TNFSF14: variants seen among roughly 807,000 people sequenced by gnomAD.
TNFSF14 encodes tumor necrosis factor ligand superfamily member 14.
In TNFSF14, 15 loss-of-function variants were observed where a neutral mutation model predicts 22.7. That is an observed-to-expected ratio of 0.66 (90% CI 0.44 to 1.02). The LOEUF (loss-of-function observed/expected upper bound fraction) is 1.02. Ranked by LOEUF, TNFSF14 falls within the 50% of genes least tolerant of loss-of-function variation. The pLI is 0.00. For missense variants in TNFSF14, 287 were observed against 326.2 expected, an observed-to-expected ratio of 0.88 and a Z score of 0.93; for synonymous variants, 133 against 139.6, an observed-to-expected ratio of 0.95 and a Z score of 0.33.
chr19:6,664,889 G>A lies in TNFSF14; in HGVS notation c.*37C>T, dbSNP rs1287877661. 59 of 1,539,832 alleles carry A rather than the reference G, an allele frequency of 3.8e-5. No individual in the cohort carries two copies. The highest frequency in any genetic ancestry group is 1.8e-4 in the Middle Eastern group (1 of 5,692). On this transcript the variant is annotated 3_prime_UTR_variant, in exon 4 of 4. Transcript: ENST00000675206. The surrounding 1 kb of genome is among the most constrained non-coding windows in gnomAD (Gnocchi z 4.7). ...CTGAGGCACCCTCTGAGTTCTCCACGTGTCAGACCCATGTCCAATGCACCA... is the reference window on the plus strand; with the variant it reads ...CTGAGGCACCCTCTGAGTTCTCCACATGTCAGACCCATGTCCAATGCACCA...
intron 1 of TNFSF14, 29 bp downstream of exon 1, chr19:6,669,822 C>T (rs1568204237): frequency 6.2e-6 from 10 of 1,606,084 alleles, no homozygotes; most frequent in Admixed American, 3.3e-5. Context: ...CTCACCTCCA[C>T]CTGCTCTCAG....
upstream of TNFSF14, chr19:6,670,473 G>T (rs757833988): frequency 4.7e-5 from 10 of 211,420 alleles, no homozygotes; most frequent in Non-Finnish European, 8.4e-5. Flanking sequence ...CAGCAAGAAG[G>T]GTCCCTGCTC....
At chr19:6,665,468 G>C (rs1917389161) in intron 3 of TNFSF14, 118 bp from the exon 4 acceptor site, 1 of 1,180,146 alleles carries the variant, frequency 8.5e-7, no homozygotes, top group Non-Finnish European at 1.2e-6. Flanking sequence ...GAGTGTGGTG[G>C]CATGATCTCG....
At chr19:6,667,039 A>G (rs146346459) in intron 3 of TNFSF14, 74 bp downstream of exon 3, 75 of 1,528,258 alleles carry the variant, frequency 4.9e-5, no homozygotes, top group Non-Finnish European at 6.6e-5. Flanking sequence ...ATACACTGAT[A>G]TGTATGGCGT....
rs1917330788 is a variant in TNFSF14, at chr19:6,664,039, G to A, written c.*887C>T. The A allele has an allele frequency of 6.6e-6, 1 of 152,168 alleles. No homozygotes were observed. The allele number at this position is 152,168 out of a possible 1,614,324, so 9.4% of individuals were successfully genotyped here. A position where few individuals can be genotyped will look rare whatever the true frequency, so the allele number is the denominator to read the frequency against. ...ACAGCTGGTTGTTAAACAGTTATGAGCACGCTGCCGTGCTCATGTATCTGA... is the reference window on the plus strand; with the variant it reads ...ACAGCTGGTTGTTAAACAGTTATGAACACGCTGCCGTGCTCATGTATCTGA... On this transcript the variant is annotated 3_prime_UTR_variant, in exon 4 of 4. Coordinates refer to ENST00000675206, the MANE Select transcript of TNFSF14 (RefSeq NM_001376887.1). The surrounding 1 kb of genome is among the most constrained non-coding windows in gnomAD (Gnocchi z 4.7).
chr19:6,670,061 C>G lies in TNFSF14; in HGVS notation c.9G>C (p.Glu3Asp). ME[E>D]SVVRPSVFVV... The stretch of plus-strand genomic sequence containing the variant: ...CAAACACTGAGGGCCGTACGACACT[C>G]TCCTCCATGCCCAAGGTGTCTGGAG... Residue 3 changes from glutamate (E) to aspartate (D), a missense_variant, in exon 1 of 4, where the codon GAG becomes GAC. Coordinates refer to ENST00000675206, the MANE Select transcript of TNFSF14 (RefSeq NM_001376887.1). The G allele has an allele frequency of 6.2e-7, 1 of 1,613,962 alleles. No individual in the cohort carries two copies. The highest frequency in any genetic ancestry group is 8.5e-7 in the Non-Finnish European group (1 of 1,179,824).
intron 1 of TNFSF14, among the ~76,000 whole-genome samples, chr19:6,667,867 C>T (rs970712750): frequency 1.3e-5 from 2 of 151,842 alleles, no homozygotes; most frequent in Non-Finnish European, 2.9e-5. Flanking sequence ...ACAGTAAAAC[C>T]CTGTATCTAC....
At chr19:6,666,159 G>A (rs149555696) in intron 3 of TNFSF14, among the ~76,000 whole-genome samples, 9 of 151,668 alleles carry the variant, frequency 5.9e-5, no homozygotes, top group African/African-American at 1.9e-4. Flanking sequence ...TTGGGAGGCT[G>A]AGACAGGAAG....
rs1917282463 is a variant in TNFSF14, at chr19:6,662,875, G to C, written c.*2051C>G. On this transcript the variant is annotated 3_prime_UTR_variant, in exon 4 of 4. Coordinates refer to ENST00000675206, the MANE Select transcript of TNFSF14 (RefSeq NM_001376887.1). Reference sequence around the variant, plus strand: ...AGCCTCTACTTCCTCAGGAATTGTGGATTGGAGAGGAAGCCAGATCCAGAC... The same window carrying C: ...AGCCTCTACTTCCTCAGGAATTGTGCATTGGAGAGGAAGCCAGATCCAGAC... 1 of 152,198 alleles carries C rather than the reference G, an allele frequency of 6.6e-6. No individual in the cohort carries two copies. Among genetic ancestry groups the C allele is most frequent in the South Asian group, 2.1e-4 (1 of 4,830 alleles). 9.4% of individuals were successfully genotyped at this position (152,198 alleles called of 1,614,324 possible).
Position 6,664,975 on chromosome 19 carries a change from A to ACCAGGCGTTCAT in TNFSF14, c.662_673dup (p.Asp221_Leu224dup), listed in dbSNP as rs1917362566. On this transcript the variant is annotated inframe_insertion, in exon 4 of 4. Transcript: ENST00000675206. This position sits in a 1 kb window ranked among gnomAD's most constrained non-coding sequence, Gnocchi z 4.7. ...AGACCGGGTACCATCACGCAGTCGA[A>ACCAGGCGTTCAT]CCAGGCGTTCATCCAGCACACGGAC... 6.2e-7 allele frequency: 1 copy of ACCAGGCGTTCAT among 1,611,850 alleles called. No homozygotes were observed. Among genetic ancestry groups the ACCAGGCGTTCAT allele is most frequent in the East Asian group, 2.2e-5 (1 of 44,794 alleles).
chr19:6,666,590 G>T (rs547797109), intron 3 of TNFSF14, among the ~76,000 whole-genome samples: 3 of 152,186 alleles, frequency 2.0e-5, no homozygotes, highest in African/African-American at 7.2e-5. Context: ...CACTATATGA[G>T]AGTTCATTAA....
Position 6,663,783 on chromosome 19 carries a change from A to G in TNFSF14, c.*1143T>C, listed in dbSNP as rs1917321616. 6.6e-6 allele frequency: 1 copy of G among 152,182 alleles called. No individual in the cohort carries two copies. The highest frequency in any genetic ancestry group is 1.5e-5 in the Non-Finnish European group (1 of 68,006). 9.4% of individuals were successfully genotyped at this position (152,182 alleles called of 1,614,324 possible). ...GTGGCTGAGATTATGCAGCCATGTG[A>G]CAGATTTTGTGGGATGCCATAGGTG... On this transcript the variant is annotated 3_prime_UTR_variant, in exon 4 of 4. Coordinates refer to ENST00000675206, the MANE Select transcript of TNFSF14 (RefSeq NM_001376887.1).
At chr19:6,667,037 A>T (rs1398318146) in intron 3 of TNFSF14, 76 bp downstream of exon 3, 2 of 1,522,914 alleles carry the variant, frequency 1.3e-6, no homozygotes, top group African/African-American at 2.8e-5. Context: ...GAATACACTG[A>T]TATGTATGGC....
upstream of TNFSF14, chr19:6,670,209 C>T: frequency 6.9e-7 from 1 of 1,455,004 alleles, no homozygotes; most frequent in Non-Finnish European, 9.1e-7. Flanking sequence ...TCAGCCCCAC[C>T]CCTTCCCCCA....
rs764122216 is a variant in TNFSF14 at position 6,665,032 on chromosome 19, A to G, written c.617T>C (p.Val206Ala). The change falls in exon 4 of 4, where the codon GTG becomes GCG. Residue 206 changes from valine (V) to alanine (A), a missense_variant. Transcript: ENST00000675206. ...VWWDSSFLGGVVHLEAGEKVV... is the reference protein window; with the variant it reads ...VWWDSSFLGGAVHLEAGEKVV... ...CTTCTCCCCAGCCTCCAGGTGTACC[A>G]CACCACCCAGGAAGCTGCTGTCCCA... is the stretch of plus-strand genomic sequence containing the variant. The G allele has an allele frequency of 6.2e-6, 10 of 1,613,940 alleles. No individual in the cohort carries two copies. The Admixed American group carries it at 1.0e-4, about 16-fold the overall frequency.
At position 6,667,163 on chromosome 19, in the gene TNFSF14, A is replaced by G. The variant is rs1180111756; in HGVS notation, c.257-9T>C. ...CTCGTGAGACCTTCGCTCTGGGGAA[A>G]GAGGGTCAGAGGTTAGAGACGAAGA... On this transcript the variant is annotated splice_polypyrimidine_tract_variant and intron_variant, in intron 2 of 3. Transcript: ENST00000675206. 6.3e-7 allele frequency: 1 copy of G among 1,584,026 alleles called. No individual in the cohort carries two copies. Among genetic ancestry groups the G allele is most frequent in the East Asian group, 2.3e-5 (1 of 42,610 alleles).
rs764565795 is a variant in TNFSF14, at chr19:6,664,697, G to A, written c.*229C>T. On this transcript the variant is annotated 3_prime_UTR_variant, in exon 4 of 4. Transcript: ENST00000675206. The surrounding 1 kb of genome is among the most constrained non-coding windows in gnomAD (Gnocchi z 4.7). The stretch of plus-strand genomic sequence containing the variant: ...CTGGATTACAGGCAGGCACCACCAC[G>A]TCCGGCTAATTTTTGTATTTTTAGT... The A allele has an allele frequency of 1.5e-5, 6 of 411,926 alleles. No individual in the cohort carries two copies. The highest frequency in any genetic ancestry group is 4.2e-5 in the South Asian group (1 of 23,678). 25.5% of individuals were successfully genotyped at this position (411,926 alleles called of 1,614,324 possible).
chr19:6,667,504 G>T (rs977485883), intron 1 of TNFSF14, 55 bp from the exon 2 acceptor site: 2 of 1,554,532 alleles, frequency 1.3e-6, no homozygotes, highest in African/African-American at 1.4e-5. Flanking sequence ...CCACGCCCTC[G>T]CATTGCTCAC....
Position 6,667,395 on chromosome 19 carries a change from G to T in TNFSF14, c.256+18C>A. 6.5e-7 allele frequency: 1 copy of T among 1,540,004 alleles called. No individual in the cohort carries two copies. Among genetic ancestry groups the T allele is most frequent in the Non-Finnish European group, 8.7e-7 (1 of 1,150,608 alleles). ...GAATCATCACACCTCCTTCCCTGGGGCCAGGACCCTGACTCACCTTGTATC... is the reference window on the plus strand; with the variant it reads ...GAATCATCACACCTCCTTCCCTGGGTCCAGGACCCTGACTCACCTTGTATC... On this transcript the variant is annotated intron_variant, in intron 2 of 3. Transcript: ENST00000675206.
Sources: gnomAD v4.1 joint callset for allele counts (sites outside exome capture counted in the v4.1 genomes callset) on GRCh38, gnomAD v4.1.1 for gene constraint, Gnocchi (gnomAD v3.1) non-coding constraint, MANE v1.5 for transcripts, NCBI Gene and HGNC (gene_info 2026-07-23, HGNC 2026-07-21) for gene names.